The following BDP1 variants were observed in gnomAD, a reference collection of about 807,000 sequenced individuals.
BDP1 encodes BDP1 general transcription factor IIIB subunit.
Under a neutral mutation model 266.6 loss-of-function variants are expected in BDP1, and 169 were observed. The observed-to-expected ratio is 0.63, with a 90% confidence interval of 0.56 to 0.72. The LOEUF (loss-of-function observed/expected upper bound fraction) is 0.72, where lower values mean the gene tolerates loss of function less well. BDP1 is among the 30% of genes least tolerant of loss of function. The pLI, the probability that BDP1 is intolerant of heterozygous loss-of-function variation, is 0.00. For synonymous variants in BDP1, 1,090 were observed against 1,022.4 expected (o/e 1.07, Z -1.26); for missense variants, 3,015 against 3,053.8 (o/e 0.99, Z 0.30).
Position 71,541,673 on chromosome 5 carries a change from C to T in BDP1, c.6242C>T (p.Thr2081Ile), listed in dbSNP as rs372923276. The change falls in exon 29 of 39, where the codon ACA becomes ATA. Residue 2081 changes from threonine (T) to isoleucine (I), a missense_variant. This residue lies in a region of BDP1 where 629 missense variants were observed against 632.5 expected (regional missense o/e 0.99). Transcript: ENST00000358731. ...SLMEKVKENA[T>I]PTRNTISKVT... ...ATGGAGAAAGTAAAGGAGAATGCTA[C>T]ACCAACCAGGTTTATTTTAGTATTC... 8.3e-6 allele frequency: 13 copies of T among 1,567,658 alleles called. No individual in the cohort carries two copies. The highest frequency in any genetic ancestry group is 1.7e-4 in the Middle Eastern group (1 of 5,898).
intron 15 of BDP1, 40 bp downstream of exon 15, chr5:71,502,831 G>T (rs1330388979): frequency 6.6e-7 from 1 of 1,510,042 alleles, no homozygotes; most frequent in Non-Finnish European, 9.1e-7. Context: ...TGGTAAGCAA[G>T]TACATGAGCC....
intron 6 of BDP1, among the ~76,000 whole-genome samples, chr5:71,469,054 T>A (rs4703987): frequency 0.3 from 45,796 of 152,098 alleles, 7,967 homozygotes; most frequent in East Asian, 0.51. Flanking sequence ...GAGGAAAAAT[T>A]CAAACAGCAG....
intron 19 of BDP1, 46 bp downstream of exon 19, chr5:71,513,453 T>G: frequency 8.0e-7 from 1 of 1,247,502 alleles, no homozygotes; most frequent in Non-Finnish European, 1.1e-6. Flanking sequence ...TTTTTTTTTT[T>G]TTTTAAGTTA....
intron 7 of BDP1, among the ~76,000 whole-genome samples, chr5:71,481,529 T>C (rs1762970779): frequency 6.6e-6 from 1 of 151,742 alleles, no homozygotes; most frequent in African/African-American, 2.4e-5. Flanking sequence ...TGCATTCCAG[T>C]CTGGAAGACA....
intron 34 of BDP1, among the ~76,000 whole-genome samples, chr5:71,551,280 C>G (rs1046435775): frequency 3.3e-5 from 5 of 152,066 alleles, no homozygotes; most frequent in East Asian, 3.9e-4. Flanking sequence ...TTTTTGTGTC[C>G]CTGGGTACTT....
rs901905778 is a variant in BDP1, at chr5:71,474,042, G to A, written c.1014+3553G>A. On this transcript the variant is annotated intron_variant, in intron 7 of 38. Transcript: ENST00000358731. ...GTCGCCCAGGCTGGAGTGCAGTGGC[G>A]GATCTCGGCTCACTGCAAGCTCCGC... 1.1e-4 allele frequency among the ~76,000 whole-genome samples: 17 copies of A among 149,648 alleles called. 1 individual carries two copies. The highest frequency in any genetic ancestry group is 3.7e-4 in the African/African-American group (15 of 40,622).
At chr5:71,577,241 A>T in the BDP1 span, among the ~76,000 whole-genome samples, 1 of 152,204 alleles carries the variant, frequency 6.6e-6, no homozygotes, top group Non-Finnish European at 1.5e-5. Context: ...AACTCAGTTT[A>T]CTCATTGTGT....
chr5:71,544,640 GA>G, intron 31 of BDP1, 133 bp downstream of exon 31: 1 of 904,412 alleles, frequency 1.1e-6, no homozygotes, highest in South Asian at 1.9e-5. Flanking sequence ...GGCACTTTGG[GA>G]GGCCAAGACG....
intron 5 of BDP1, 129 bp downstream of exon 5, chr5:71,466,350 A>T: frequency 1.0e-6 from 1 of 982,664 alleles, no homozygotes; most frequent in Non-Finnish European, 1.5e-6. Flanking sequence ...TGCATAATGA[A>T]TATTGTAAAT....
chr5:71,473,838 C>T (rs1762425376), intron 7 of BDP1, among the ~76,000 whole-genome samples: 1 of 141,882 alleles, frequency 7.0e-6, no homozygotes, highest in Non-Finnish European at 1.5e-5. Context: ...CCTCCCCCCA[C>T]CCCACAACAG....
In BDP1 at chr5:71,504,298, T is replaced by C. The variant is rs371510924; in HGVS notation, c.2242-323T>C. On this transcript the variant is annotated intron_variant, in intron 15 of 38. Transcript: ENST00000358731. Reference sequence around the variant, plus strand: ...AAAAAAAAAAAAAAAGAAAAAAAAATTCCCGTGATCTATAATGCATTTATA... The same window carrying C: ...AAAAAAAAAAAAAAAGAAAAAAAAACTCCCGTGATCTATAATGCATTTATA... 1.3e-4 allele frequency among the ~76,000 whole-genome samples: 19 copies of C among 147,010 alleles called. 1 individual carries two copies. Among genetic ancestry groups the C allele is most frequent in the African/African-American group, 4.0e-4 (16 of 40,226 alleles).
chr5:71,478,640 T>A (rs900461832), intron 7 of BDP1, among the ~76,000 whole-genome samples: 1 of 152,116 alleles, frequency 6.6e-6, no homozygotes, highest in African/African-American at 2.4e-5. Context: ...TTAATTATAT[T>A]TCTCTGGCTG....
In BDP1 at chr5:71,510,714, T is replaced by C. The variant is rs773217568; in HGVS notation, c.3622T>C (p.Ser1208Pro). The C allele has an allele frequency of 6.2e-7, 1 of 1,613,882 alleles. No homozygotes were observed. Among genetic ancestry groups the C allele is most frequent in the South Asian group, 1.1e-5 (1 of 91,034 alleles). ...TTTGGAAGAAACTGAAAGAGAAATA[T>C]CGCCACAGGAAAATGGCCCAGAGGA... ...TDLEETEREI[S>P]PQENGPEEVK... The change falls in exon 17 of 39, where the codon TCG becomes CCG. Residue 1208 changes from serine to proline, a missense_variant. By Grantham distance (74) the Ser-to-Pro change is moderately conservative (BLOSUM62 -1). Transcript: ENST00000358731.
chr5:71,519,022 G>A (rs906218316), intron 22 of BDP1, among the ~76,000 whole-genome samples: 2 of 151,688 alleles, frequency 1.3e-5, no homozygotes, highest in Admixed American at 1.3e-4. Context: ...GTTTCACCAT[G>A]TTGGCCAACC....
At chr5:71,516,329 AT>A (rs2150490964) in intron 21 of BDP1, 58 bp downstream of exon 21, 3 of 1,297,526 alleles carry the variant, frequency 2.3e-6, no homozygotes. Context: ...ATGTCAAGTT[AT>A]AGCTCAGACA....
At chr5:71,474,314 T>C (rs1316514284) in intron 7 of BDP1, among the ~76,000 whole-genome samples, 1 of 150,344 alleles carries the variant, frequency 6.7e-6, no homozygotes, top group East Asian at 2.0e-4. Context: ...TAGAGCTGTG[T>C]CCCACAAATT....
intron 6 of BDP1, among the ~76,000 whole-genome samples, chr5:71,469,763 G>A (rs1307055051): frequency 6.7e-6 from 1 of 150,000 alleles, no homozygotes; most frequent in African/African-American, 2.5e-5. Context: ...ACAGGTGCAC[G>A]CCACCACGCC....
rs746227158 is a variant in BDP1 at position 71,502,760 on chromosome 5, A to G, written c.2210A>G (p.Lys737Arg). The G allele has an allele frequency of 1.0e-4, 167 of 1,613,592 alleles. No homozygotes were observed. In the Admixed American group the frequency reaches 2.8e-3, roughly 27 times the overall value. ...SQEEIGANVE[K>R]NENESCADRD... ...GAAGAAATTGGGGCCAATGTAGAGA[A>G]GAATGAAAATGAATCCTGTGCTGAT... The change falls in exon 15 of 39, where the codon AAG (lysine) becomes AGG (arginine). Residue 737 changes from lysine to arginine, a missense_variant. This residue lies in a region of BDP1 where 2,383 missense variants were observed against 2,404.9 expected (regional missense o/e 0.99). Coordinates refer to ENST00000358731, the MANE Select transcript of BDP1 (RefSeq NM_018429.3).
intron 20 of BDP1, 101 bp downstream of exon 20, chr5:71,515,223 A>T (rs935788382): frequency 1.1e-6 from 1 of 913,384 alleles, no homozygotes; most frequent in African/African-American, 1.7e-5. Flanking sequence ...AAAAGTGAAC[A>T]TAAAGAATAT....
Sources: allele counts gnomAD v4.1 joint callset (sites outside exome capture counted in the v4.1 genomes callset), GRCh38; gene constraint gnomAD v4.1.1; regional missense constraint gnomAD v4.1.1; transcripts MANE v1.5; gene names NCBI Gene and HGNC (gene_info 2026-07-23, HGNC 2026-07-21).